ANKRD17: variants seen among roughly 807,000 people sequenced by gnomAD.
ANKRD17 encodes the protein ankyrin repeat domain-containing protein 17.
In ANKRD17, 19 loss-of-function variants were observed where a neutral mutation model predicts 229.7. The ratio of observed to expected loss-of-function variants is 0.08; its 90% confidence interval spans 0.06 to 0.12. ANKRD17 has a LOEUF of 0.12. ANKRD17 is among the 10% of genes least tolerant of loss of function. ANKRD17 has a pLI of 1.00. For missense variants in ANKRD17, 2,176 were observed against 3,176.8 expected, an observed-to-expected ratio of 0.68 and a Z score of 7.57; for synonymous variants, 1,112 against 1,146.1, an observed-to-expected ratio of 0.97 and a Z score of 0.60.
chr4:73,145,174 T>A (rs567867433), intron 10 of ANKRD17, among the ~76,000 whole-genome samples: 1 of 152,276 alleles, frequency 6.6e-6, no homozygotes, highest in East Asian at 1.9e-4. Flanking sequence ...TGAATATGCA[T>A]GTATGGTACT....
At chr4:73,258,171 G>C (rs552122317) in intron 1 of ANKRD17, 105 bp downstream of exon 1, 11 of 1,557,964 alleles carry the variant, frequency 7.1e-6, no homozygotes, top group Non-Finnish European at 8.7e-6. Flanking sequence ...TGGCCCCTAA[G>C]AGATCAACCC....
chr4:73,089,902 A>T (rs1164581644), intron 29 of ANKRD17, among the ~76,000 whole-genome samples: 2 of 152,232 alleles, frequency 1.3e-5, no homozygotes, highest in South Asian at 2.1e-4. Flanking sequence ...TTTTATTTTT[A>T]AAATTTTCAT....
chr4:73,207,993 C>T (rs1739710075), intron 1 of ANKRD17, among the ~76,000 whole-genome samples: 1 of 152,078 alleles, frequency 6.6e-6, no homozygotes, highest in Non-Finnish European at 1.5e-5. Flanking sequence ...TCGAGACCAT[C>T]CTGGCTAACA....
rs1374494088 is a variant in ANKRD17, at chr4:73,139,948, C to T, written c.2668G>A (p.Glu890Lys). The T allele has an allele frequency of 6.2e-7, 1 of 1,614,180 alleles. No individual in the cohort carries two copies. Among genetic ancestry groups the T allele is most frequent in the Non-Finnish European group, 8.5e-7 (1 of 1,180,044 alleles). Reference sequence around the variant, plus strand: ...AGTTGAATTCTTTGAGCTTTAACCTCTAGATACTGCTTTTTTAGCTGCTGC... The same window carrying T: ...AGTTGAATTCTTTGAGCTTTAACCTTTAGATACTGCTTTTTTAGCTGCTGC... The part of the protein sequence containing the change: ...TQQQLKKQYL[E>K]VKAQRIQLQQ... The change falls in exon 15 of 34, where the codon GAG (glutamate) becomes AAG (lysine). Residue 890 changes from glutamate (E) to lysine (K), a missense_variant. By Grantham distance (56) the Glu-to-Lys change is moderately conservative. Around this residue, in one of 18 missense-constraint regions of ANKRD17, gnomAD observed 230 missense variants for 252.3 expected, o/e 0.91. Coordinates refer to ENST00000358602, the MANE Select transcript of ANKRD17 (RefSeq NM_032217.5).
intron 24 of ANKRD17, among the ~76,000 whole-genome samples, chr4:73,108,387 T>G (rs543970885): frequency 3.9e-5 from 6 of 152,266 alleles, no homozygotes; most frequent in Non-Finnish European, 8.8e-5. Context: ...TGGAATCAAC[T>G]GGTGTACATT....
At chr4:73,112,962 A>G (rs184697906) in intron 24 of ANKRD17, 2 of 510,364 alleles carry the variant, frequency 3.9e-6, no homozygotes, top group African/African-American at 2.1e-5. Context: ...TAATTTTCGT[A>G]TTTTTGGTAG....
At chr4:73,191,437 G>A (rs545090235) in intron 1 of ANKRD17, among the ~76,000 whole-genome samples, 2 of 143,030 alleles carry the variant, frequency 1.4e-5, no homozygotes, top group African/African-American at 5.3e-5. Flanking sequence ...AAACTAAGTA[G>A]TAGAAGAAAA....
chr4:73,078,544 G>GA (rs879034243), intron 31 of ANKRD17, 98 bp downstream of exon 31: 79,092 of 1,001,072 alleles, frequency 0.079, 5 homozygotes, highest in East Asian at 0.093. Flanking sequence ...CTCAAAAAAA[G>GA]AAAAAAAAAA....
At chr4:73,147,054 A>G (rs1337096711) in intron 9 of ANKRD17, among the ~76,000 whole-genome samples, 181 bp from the exon 10 acceptor site, 4 of 152,234 alleles carry the variant, frequency 2.6e-5, no homozygotes, top group African/African-American at 9.6e-5. Flanking sequence ...AAACTGGTTG[A>G]AATTAAAGCT....
rs1349925818 is a variant in ANKRD17, at chr4:73,101,068, A to G, written c.4573+1308T>C. Reference sequence around the variant, plus strand: ...TAGAGGTAATGTAGAGATGATTTAAAGTATATGGGAGAATGTGCATAATTT... The same window carrying G: ...TAGAGGTAATGTAGAGATGATTTAAGGTATATGGGAGAATGTGCATAATTT... On this transcript the variant is annotated intron_variant, in intron 25 of 33. Coordinates refer to ENST00000358602, the MANE Select transcript of ANKRD17 (RefSeq NM_032217.5). 4 of 856,130 alleles carry G rather than the reference A, an allele frequency of 4.7e-6. No homozygotes were observed. In the Admixed American group the frequency reaches 2.5e-4, roughly 53 times the overall value. The allele number at this position is 856,130 out of a possible 1,614,324, so 53.0% of individuals were successfully genotyped here.
intron 33 of ANKRD17, 106 bp from the exon 34 acceptor site, chr4:73,076,396 T>A: frequency 1.4e-6 from 1 of 734,226 alleles, no homozygotes; most frequent in Non-Finnish European, 2.0e-6. Flanking sequence ...TGCAATATAC[T>A]AGGAACTAAT....
At chr4:73,158,481 G>C (rs1419849614) in intron 3 of ANKRD17, among the ~76,000 whole-genome samples, 1 of 152,146 alleles carries the variant, frequency 6.6e-6, no homozygotes, top group Admixed American at 6.5e-5. Context: ...TCCTCTCTCA[G>C]ACATGGCTCA....
chr4:73,183,598 G>A (rs926077696), intron 1 of ANKRD17, among the ~76,000 whole-genome samples: 2 of 151,974 alleles, frequency 1.3e-5, no homozygotes, highest in African/African-American at 2.4e-5. Context: ...TTCAGCCTCC[G>A]GAGTAGCTGG....
chr4:73,127,272 C>T (rs986287790), intron 16 of ANKRD17, among the ~76,000 whole-genome samples: 1 of 151,996 alleles, frequency 6.6e-6, no homozygotes, highest in African/African-American at 2.4e-5. Context: ...GTCTAACATG[C>T]CCAAGTTTTG....
At position 73,098,063 on chromosome 4, in the gene ANKRD17, T is replaced by G. The variant is rs1186266395; in HGVS notation, c.5021+10A>C. On this transcript the variant is annotated intron_variant, in intron 26 of 33. Transcript: ENST00000358602. Reference sequence around the variant, plus strand: ...CACTATAAATATTGAAAATAAAAATTGGAACTAACTTTATTGAAGCCTTGC... The same window carrying G: ...CACTATAAATATTGAAAATAAAAATGGGAACTAACTTTATTGAAGCCTTGC... 6.4e-7 allele frequency: 1 copy of G among 1,571,262 alleles called. No homozygotes were observed. The highest frequency in any genetic ancestry group is 2.3e-5 in the East Asian group (1 of 44,304).
intron 24 of ANKRD17, among the ~76,000 whole-genome samples, chr4:73,104,480 C>A (rs569739158): frequency 6.6e-6 from 1 of 152,256 alleles, no homozygotes; most frequent in South Asian, 2.1e-4. Flanking sequence ...AAAGGTGAAA[C>A]GTGCACCAGA....
At chr4:73,153,218 A>G (rs1731229124) in intron 6 of ANKRD17, among the ~76,000 whole-genome samples, 1 of 152,212 alleles carries the variant, frequency 6.6e-6, no homozygotes, top group Non-Finnish European at 1.5e-5. Flanking sequence ...TCAAGAATTT[A>G]TGACGTAAAT....
At chr4:73,238,485 C>A (rs1404048464) in intron 1 of ANKRD17, among the ~76,000 whole-genome samples, 1 of 152,026 alleles carries the variant, frequency 6.6e-6, no homozygotes, top group Admixed American at 6.6e-5. Flanking sequence ...AAGATTAATC[C>A]ATGAATGTTC....
chr4:73,233,315 T>C (rs1478627895), intron 1 of ANKRD17, among the ~76,000 whole-genome samples: 1 of 152,136 alleles, frequency 6.6e-6, no homozygotes, highest in African/African-American at 2.4e-5. Context: ...CCTAAATTTA[T>C]AGATATTATT....
Sources: gnomAD v4.1 joint callset for allele counts (sites outside exome capture counted in the v4.1 genomes callset) on GRCh38, gnomAD v4.1.1 for gene constraint, gnomAD v4.1.1 regional missense constraint, MANE v1.5 for transcripts, NCBI Gene and HGNC (gene_info 2026-07-23, HGNC 2026-07-21) for gene names.